MRPL47: variants seen among roughly 807,000 people sequenced by gnomAD.
The protein encoded by MRPL47 is mitochondrial ribosomal protein L47.
A neutral mutation model predicts 34.0 loss-of-function variants in MRPL47; 31 were observed. The observed-to-expected ratio is 0.91, with a 90% CI of 0.68 to 1.23. The LOEUF is 1.23. MRPL47 is among the 50% of genes most tolerant of loss of function. The pLI, the probability that MRPL47 is intolerant of heterozygous loss-of-function variation, is 0.00. For missense variants in MRPL47, 328 were observed against 285.8 expected, an observed-to-expected ratio of 1.15 and a Z score of -1.07; for synonymous variants, 106 against 101.6, an observed-to-expected ratio of 1.04 and a Z score of -0.26.
intron 6 of MRPL47, among the ~76,000 whole-genome samples, chr3:179,589,316 T>C (rs924547769): frequency 1.9e-4 from 29 of 152,172 alleles, no homozygotes; most frequent in African/African-American, 6.8e-4. Flanking sequence ...ATTCTGTGTA[T>C]AGGGGAAATG....
intron 3 of MRPL47, 76 bp from the exon 4 acceptor site, chr3:179,598,847 TTAATTA>T: frequency 9.3e-7 from 1 of 1,077,532 alleles, no homozygotes; most frequent in Non-Finnish European, 1.4e-6. Context: ...GACATCAAAA[TTAATTA>T]TCTGTACTTG....
At chr3:179,591,337 G>A (rs1311342086) in intron 6 of MRPL47, among the ~76,000 whole-genome samples, 1 of 152,130 alleles carries the variant, frequency 6.6e-6, no homozygotes, top group Non-Finnish European at 1.5e-5. Context: ...CTTGGCCCAG[G>A]AAACCATAAA....
Position 179,601,717 on chromosome 3 carries a change from T to C in MRPL47, c.305+13A>G, listed in dbSNP as rs753377321. On this transcript the variant is annotated intron_variant, in intron 3 of 6. Transcript: ENST00000476781. ...TTCAAACGTCTAGATGTTAATGTAC[T>C]TAGTATACTTACCAAAGTTTGTGTA... 6.5e-7 allele frequency: 1 copy of C among 1,541,280 alleles called. No individual in the cohort carries two copies. The highest frequency in any genetic ancestry group is 2.3e-5 in the East Asian group (1 of 44,344).
chr3:179,603,272 C>T (rs975414015), intron 1 of MRPL47, among the ~76,000 whole-genome samples: 3 of 152,052 alleles, frequency 2.0e-5, no homozygotes, highest in African/African-American at 7.2e-5. Flanking sequence ...CACGGTGGCT[C>T]ACACCTGTTA....
chr3:179,592,423 T>C (rs1000631110), intron 6 of MRPL47, among the ~76,000 whole-genome samples: 1 of 150,896 alleles, frequency 6.6e-6, no homozygotes. Flanking sequence ...CTCGATCGCC[T>C]GACCTCGTGA....
chr3:179,589,117 G>T, intron 6 of MRPL47, 122 bp from the exon 7 acceptor site: 1 of 946,918 alleles, frequency 1.1e-6, no homozygotes, highest in Non-Finnish European at 1.5e-6. Flanking sequence ...TGTATTTGGT[G>T]TGTTATATAT....
chr3:179,588,882 C>A lies in MRPL47; in HGVS notation c.743G>T (p.Ser248Ile). ...FPHLAEAQKS[S>I]LV The stretch of plus-strand genomic sequence containing the variant: ...AATAGTTCAGACATCTTAGACAAGA[C>A]TTGACTTTTGGGCTTCAGCAAGATG... Residue 248 changes from serine (S) to isoleucine (I), a missense_variant, in exon 7 of 7, where the codon AGT becomes ATT. Transcript: ENST00000476781. The A allele has an allele frequency of 6.2e-7, 1 of 1,613,252 alleles. No homozygotes were observed. Among genetic ancestry groups the A allele is most frequent in the East Asian group, 2.2e-5 (1 of 44,824 alleles).
At chr3:179,602,581 A>C in intron 2 of MRPL47, 71 bp downstream of exon 2, 1 of 752,862 alleles carries the variant, frequency 1.3e-6, no homozygotes, top group Non-Finnish European at 2.0e-6. Flanking sequence ...TAATCCTAGA[A>C]CGATGGTTGG....
chr3:179,604,560 G>A lies in MRPL47; in HGVS notation c.65C>T (p.Ser22Leu). ...GGCAGGGACCTGAGGAGTTATTAAC[G>A]ATCGGGAAGATTTCAGGGCGGATGA... is the stretch of plus-strand genomic sequence containing the variant. ...RVSSALKSSR[S>L]LITPQVPACT... is the part of the protein sequence containing the mutation. The change falls in exon 1 of 7, where the codon TCG becomes TTG. Residue 22 changes from serine to leucine, a missense_variant. By Grantham distance (145) the Ser-to-Leu change is moderately radical (BLOSUM62 -2). Transcript: ENST00000476781. The A allele has an allele frequency of 6.2e-7, 1 of 1,614,178 alleles. No homozygotes were observed. The highest frequency in any genetic ancestry group is 8.5e-7 in the Non-Finnish European group (1 of 1,180,036).
At chr3:179,589,063 T>C in intron 6 of MRPL47, 68 bp from the exon 7 acceptor site, 1 of 1,451,548 alleles carries the variant, frequency 6.9e-7, no homozygotes, top group Admixed American at 2.1e-5. Context: ...ACTATCAAAA[T>C]ATGCATAAAT....
In MRPL47 at chr3:179,593,893, T is replaced by A; in HGVS notation, c.405A>T (p.Val135=). The A allele has an allele frequency of 1.2e-6, 2 of 1,609,324 alleles. No individual in the cohort carries two copies. The highest frequency in any genetic ancestry group is 2.7e-5 in the African/African-American group (2 of 74,810). ...PMPSPERLDK[V]VDSMDALDKV... is the part of the protein sequence containing the mutation. Reference sequence around the variant, plus strand: ...TATCTAATGCATCCATGGAATCTACTACCTGAAAAGAGAATAGAAAGATAC... The same window carrying A: ...TATCTAATGCATCCATGGAATCTACAACCTGAAAAGAGAATAGAAAGATAC... Residue 135 remains valine (V), a splice_region_variant and synonymous_variant, in exon 5 of 7, where the codon GTA becomes GTT. Coordinates refer to ENST00000476781, the MANE Select transcript of MRPL47 (RefSeq NM_020409.3).
At chr3:179,596,189 T>G (rs915806373) in intron 4 of MRPL47, among the ~76,000 whole-genome samples, 1 of 152,230 alleles carries the variant, frequency 6.6e-6, no homozygotes, top group Non-Finnish European at 1.5e-5. Flanking sequence ...TTTATATTAT[T>G]CTCTAAGTAA....
intron 4 of MRPL47, among the ~76,000 whole-genome samples, chr3:179,597,177 T>G (rs1718806841): frequency 6.6e-6 from 1 of 152,210 alleles, no homozygotes; most frequent in South Asian, 2.1e-4. Flanking sequence ...AGTCTAATAT[T>G]ATGTCAAAAT....
chr3:179,598,430 A>ACACAAAC (rs1491589511), intron 4 of MRPL47, among the ~76,000 whole-genome samples: 46 of 114,186 alleles, frequency 4.0e-4, no homozygotes, highest in African/African-American at 1.4e-3. Context: ...ACACACAAAC[A>ACACAAAC]AAAAAAAAAA....
At position 179,604,606 on chromosome 3, in the gene MRPL47, CCAAA is replaced by C. The variant is rs771535793; in HGVS notation, c.15_18del (p.Leu6ProfsTer11). 1 of 1,614,232 alleles carries C rather than the reference CCAAA, an allele frequency of 6.2e-7. No homozygotes were observed. Among genetic ancestry groups the C allele is most frequent in the South Asian group, 1.1e-5 (1 of 91,090 alleles). The stretch of plus-strand genomic sequence containing the variant: ...GATGAAACTCTCCTACAAAGAAGGG[CCAAA>C]CCGGCCGCAGCCATGTTTTCGCATA... On this transcript the variant is annotated frameshift_variant, in exon 1 of 7. Coordinates refer to ENST00000476781, the MANE Select transcript of MRPL47 (RefSeq NM_020409.3). LOFTEE classifies it high-confidence loss of function.
chr3:179,602,801 C>G lies in MRPL47; in HGVS notation c.99-4G>C. ...AGGCAACAAACTAAGAAAAAACCTGCAATTGAACACACATAAACAAGTAAA... is the reference window on the plus strand; with the variant it reads ...AGGCAACAAACTAAGAAAAAACCTGGAATTGAACACACATAAACAAGTAAA... On this transcript the variant is annotated splice_region_variant and splice_polypyrimidine_tract_variant and intron_variant, in intron 1 of 6. Coordinates refer to ENST00000476781, the MANE Select transcript of MRPL47 (RefSeq NM_020409.3). 1 of 1,597,652 alleles carries G rather than the reference C, an allele frequency of 6.3e-7. No homozygotes were observed. Among genetic ancestry groups the G allele is most frequent in the South Asian group, 1.2e-5 (1 of 86,756 alleles).
intron 2 of MRPL47, 145 bp from the exon 3 acceptor site, chr3:179,601,935 T>C (rs1490297530): frequency 1.9e-6 from 1 of 537,648 alleles, no homozygotes; most frequent in Non-Finnish European, 3.3e-6. Flanking sequence ...CAATGTGTAA[T>C]TAGAGATAAA....
chr3:179,592,725 T>G lies in MRPL47; in HGVS notation c.548A>C (p.Gln183Pro). 6.2e-7 allele frequency: 1 copy of G among 1,612,450 alleles called. No homozygotes were observed. The highest frequency in any genetic ancestry group is 8.5e-7 in the Non-Finnish European group (1 of 1,178,944). The change falls in exon 6 of 7, where the codon CAG becomes CCG. Residue 183 changes from glutamine to proline, a missense_variant. Transcript: ENST00000476781. ...ATTTAGGTGCCAAGGTATAACCCAC[T>G]GCTTGAACTTGTGCCTGCCAATAAA... Reference protein sequence around the residue: ...FGRIIWHKFKQWVIPWHLNKR... With the variant: ...FGRIIWHKFKPWVIPWHLNKR...
At chr3:179,589,227 C>G (rs959800484) in intron 6 of MRPL47, among the ~76,000 whole-genome samples, 3 of 152,112 alleles carry the variant, frequency 2.0e-5, no homozygotes, top group Admixed American at 1.3e-4. Flanking sequence ...AAAGAATGTC[C>G]AGATATTATG....
Sources: gnomAD v4.1 joint callset for allele counts (sites outside exome capture counted in the v4.1 genomes callset) on GRCh38, gnomAD v4.1.1 for gene constraint, MANE v1.5 for transcripts, NCBI Gene and HGNC (gene_info 2026-07-23, HGNC 2026-07-21) for gene names.